Variants in XAF1 observed in about 807,000 individuals in gnomAD.
The protein encoded by XAF1 is XIAP-associated factor 1.
XAF1 carries 32 observed loss-of-function variants against 32.3 expected under a neutral mutation model. The observed-to-expected ratio is 0.99, with a 90% CI of 0.75 to 1.33. The LOEUF is 1.33. Among genes scored for constraint, XAF1 ranks in the 40% most tolerant of loss-of-function variants. The probability of loss-of-function intolerance (pLI) is 0.00; values close to 1 mark genes in which losing one functional copy is unlikely to be tolerated. For synonymous variants in XAF1, 120 were observed against 125.9 expected, an observed-to-expected ratio of 0.95 and a Z score of 0.31; for missense variants, 379 against 366.0, an observed-to-expected ratio of 1.04 and a Z score of -0.29.
chr17:6,760,382 T>C (rs1455251786), intron 3 of XAF1, 24 bp from the exon 4 acceptor site: 2 of 1,503,342 alleles, frequency 1.3e-6, no homozygotes, highest in Admixed American at 1.8e-5. Context: ...CCAGTGATCA[T>C]GCCCTTCCTG....
chr17:6,771,218 G>A (rs894864895), intron 6 of XAF1: 15 of 454,072 alleles, frequency 3.3e-5, no homozygotes, highest in African/African-American at 2.4e-4. Flanking sequence ...TTTGAAGGTA[G>A]AGCCAGGTCC....
At chr17:6,756,397 C>A in intron 1 of XAF1, 3 of 783,314 alleles carry the variant, frequency 3.8e-6, no homozygotes, top group South Asian at 2.3e-5. Flanking sequence ...CCCAACTGGG[C>A]TACTCATACT....
intron 4 of XAF1, chr17:6,761,711 C>A: frequency 1.6e-6 from 1 of 627,992 alleles, no homozygotes; most frequent in Non-Finnish European, 2.3e-6. Flanking sequence ...GTCTTCAACA[C>A]AACTTCAGTG....
At position 6,759,943 on chromosome 17, in the gene XAF1, C is replaced by T. The variant is rs990607123; in HGVS notation, c.225+225C>T. 14 of 724,366 alleles carry T rather than the reference C, an allele frequency of 1.9e-5. No homozygotes were observed. In the African/African-American group the frequency reaches 2.1e-4, roughly 11 times the overall value. 44.9% of individuals were successfully genotyped at this position (724,366 alleles called of 1,614,324 possible). On this transcript the variant is annotated intron_variant, in intron 3 of 6. Transcript: ENST00000361842. ...TCCATGGTCCATGAGTCCATCAGAG[C>T]TCAGATCCCCCGAAGGCAGTCCCGC...
chr17:6,756,355 C>A, intron 1 of XAF1: 1 of 1,266,388 alleles, frequency 7.9e-7, no homozygotes, highest in Non-Finnish European at 1.0e-6. Flanking sequence ...CTTTCTGGGA[C>A]AGTTCTGAAG....
intron 4 of XAF1, 21 bp from the exon 5 acceptor site, chr17:6,762,134 G>T (rs955491632): frequency 6.2e-7 from 1 of 1,612,318 alleles, no homozygotes. Flanking sequence ...CATTTGTGGT[G>T]TTGTTTCTCT....
intron 5 of XAF1, among the ~76,000 whole-genome samples, chr17:6,767,165 A>T (rs1313044109): frequency 6.6e-6 from 1 of 152,228 alleles, no homozygotes; most frequent in African/African-American, 2.4e-5. Flanking sequence ...TCTGTATTCT[A>T]TAAGTATGTA....
rs1267532004 is a variant in XAF1, at chr17:6,758,169, A to C, written c.113A>C (p.Glu38Ala). 1 of 1,614,244 alleles carries C rather than the reference A, an allele frequency of 6.2e-7. No homozygotes were observed. The highest frequency in any genetic ancestry group is 1.1e-5 in the South Asian group (1 of 91,088). Residue 38 changes from glutamate (E) to alanine (A), a missense_variant, in exon 2 of 7, where the codon GAG (glutamate) becomes GCG (alanine). Physicochemically the swap from Glu to Ala is moderately radical, Grantham distance 107. Coordinates refer to ENST00000361842, the MANE Select transcript of XAF1 (RefSeq NM_017523.5). ...TTCCTGGTCCTGTGTCCGGAGTGTG[A>C]GGAGCCTGTCCCCAAGGAAACCATG... ...LRFLVLCPEC[E>A]EPVPKETMEE...
At chr17:6,773,054 C>T (rs1976172993) in intron 6 of XAF1, 59 bp from the exon 7 acceptor site, 1 of 1,419,874 alleles carries the variant, frequency 7.0e-7, no homozygotes, top group South Asian at 1.2e-5. Flanking sequence ...CAGAGATATT[C>T]TAGGAGCTAG....
chr17:6,770,545 T>A, intron 5 of XAF1, 98 bp from the exon 6 acceptor site: 1 of 1,019,992 alleles, frequency 9.8e-7, no homozygotes. Context: ...TATAAAAGTG[T>A]TTACAGTGGG....
At chr17:6,760,699 C>T in intron 4 of XAF1, 98 bp downstream of exon 4, 1 of 1,219,124 alleles carries the variant, frequency 8.2e-7, no homozygotes, top group Non-Finnish European at 1.1e-6. Context: ...GGACGGATGA[C>T]AAGTGTATTT....
chr17:6,765,818 C>T (rs184045230), intron 5 of XAF1, among the ~76,000 whole-genome samples: 4 of 152,328 alleles, frequency 2.6e-5, no homozygotes, highest in South Asian at 4.1e-4. Context: ...CAGAGGTCAA[C>T]GTGATCCCTT....
chr17:6,768,684 T>A (rs1555550129), intron 5 of XAF1, among the ~76,000 whole-genome samples: 1 of 152,248 alleles, frequency 6.6e-6, no homozygotes, highest in Non-Finnish European at 1.5e-5. Context: ...GCCATCCCAC[T>A]TCTGTTATTG....
chr17:6,769,040 C>CT (rs58165342), intron 5 of XAF1, among the ~76,000 whole-genome samples: 79,515 of 151,242 alleles, frequency 0.53, 22,882 homozygotes, highest in African/African-American at 0.78. Context: ...TCATGACTCT[C>CT]TTTTTTTTCA....
Position 6,756,917 on chromosome 17 carries a change from C to A in XAF1, c.32+807C>A, listed in dbSNP as rs1974723604. On this transcript the variant is annotated intron_variant, in intron 1 of 6. Coordinates refer to ENST00000361842, the MANE Select transcript of XAF1 (RefSeq NM_017523.5). ...CCTGGGCCTTTACGGCTACAGCCAC[C>A]CCATTTCCCTTCTCCCAAGCTGCCA... 2.0e-5 allele frequency among the ~76,000 whole-genome samples: 3 copies of A among 152,170 alleles called. No individual in the cohort carries two copies. In the South Asian group the frequency reaches 6.2e-4, roughly 32 times the overall value.
chr17:6,770,879 G>A lies in XAF1; in HGVS notation c.744G>A (p.Lys248=). The A allele has an allele frequency of 6.2e-7, 1 of 1,614,076 alleles. No homozygotes were observed. The highest frequency in any genetic ancestry group is 1.1e-5 in the South Asian group (1 of 91,072). The change falls in exon 6 of 7, where the codon AAG becomes AAA. Residue 248 remains lysine, a synonymous_variant. Coordinates refer to ENST00000361842, the MANE Select transcript of XAF1 (RefSeq NM_017523.5). ...ATCCACTTTTGATGTCAGAGCCCAAGCCCAGGACCAGCTCCCCTAGAGGAG... is the reference window on the plus strand; with the variant it reads ...ATCCACTTTTGATGTCAGAGCCCAAACCCAGGACCAGCTCCCCTAGAGGAG... ...TLDPLLMSEP[K]PRTSSPRGDK... is the part of the protein sequence containing the mutation.
rs1975979882 is a variant in XAF1, at chr17:6,770,886, AC to A, written c.753del (p.Ser252AlafsTer13). On this transcript the variant is annotated frameshift_variant, in exon 6 of 7. Transcript: ENST00000361842. LOFTEE classifies it high-confidence loss of function. ...TTTGATGTCAGAGCCCAAGCCCAGG[AC>A]CAGCTCCCCTAGAGGAGATAAAGCA... is the stretch of plus-strand genomic sequence containing the variant. ...PLLMSEPKPR[T>X]SSPRGDKAAY... The A allele has an allele frequency of 6.2e-7, 1 of 1,614,068 alleles. No homozygotes were observed. The highest frequency in any genetic ancestry group is 1.7e-5 in the Admixed American group (1 of 60,002).
At chr17:6,770,538 A>G in intron 5 of XAF1, 105 bp from the exon 6 acceptor site, 1 of 961,578 alleles carries the variant, frequency 1.0e-6, no homozygotes, top group Non-Finnish European at 1.5e-6. Flanking sequence ...TACACCATAT[A>G]AAAGTGTTTA....
At chr17:6,772,539 C>CG (rs1458304572) in intron 6 of XAF1, among the ~76,000 whole-genome samples, 2 of 135,080 alleles carry the variant, frequency 1.5e-5, no homozygotes, top group Admixed American at 8.3e-5. Context: ...GGTGGGATCT[C>CG]GGCTCACTGC....
Sources: allele counts gnomAD v4.1 joint callset (sites outside exome capture counted in the v4.1 genomes callset), GRCh38; gene constraint gnomAD v4.1.1; transcripts MANE v1.5; gene names NCBI Gene and HGNC (gene_info 2026-07-23, HGNC 2026-07-21).